The following ANKS1A variants were observed in gnomAD, a reference collection of about 807,000 sequenced individuals.
ANKS1A encodes the protein ankyrin repeat and SAM domain-containing protein 1A.
A neutral mutation model predicts 120.3 loss-of-function variants in ANKS1A; 55 were observed. The ratio of observed to expected loss-of-function variants is 0.46; its 90% CI spans 0.37 to 0.57. The LOEUF is 0.57. ANKS1A is among the 20% of genes least tolerant of loss of function. The pLI is 0.00. For synonymous variants in ANKS1A, 590 were observed against 604.7 expected (o/e 0.98, Z 0.36); for missense variants, 1,123 against 1,480.3 (o/e 0.76, Z 3.96).
chr6:35,077,495 G>C (rs937068365), intron 13 of ANKS1A, among the ~76,000 whole-genome samples: 3 of 152,238 alleles, frequency 2.0e-5, no homozygotes. Flanking sequence ...AGGCCTGTCT[G>C]TGCCCAGCGG....
In ANKS1A at chr6:34,983,178, T is replaced by C. The variant is rs765525563; in HGVS notation, c.874T>C (p.Ser292Pro). 2 of 1,614,164 alleles carry C rather than the reference T, an allele frequency of 1.2e-6. No homozygotes were observed. Residue 292 changes from serine to proline, a missense_variant, in exon 6 of 24, where the codon TCT (serine) becomes CCT (proline). Transcript: ENST00000360359. ...TALDTVRELP[S>P]QKSQQIAALI... ...CCTAGACACTGTTCGGGAACTGCCT[T>C]CTCAAAAGAGCCAGCAAATAGCAGC... is the stretch of plus-strand genomic sequence containing the variant.
chr6:35,084,310 G>T lies in ANKS1A; in HGVS notation c.3132+52G>T. On this transcript the variant is annotated intron_variant, in intron 21 of 23. Transcript: ENST00000360359. This position sits in a 1 kb window ranked among gnomAD's most constrained non-coding sequence, Gnocchi z 4.8. The stretch of plus-strand genomic sequence containing the variant: ...GGCAGGCTTGGGTTGCAGCCCTGAG[G>T]CGTCCAGCCCCATTGCAGGGCACAG... The T allele has an allele frequency of 6.2e-7, 1 of 1,603,524 alleles. No individual in the cohort carries two copies. Among genetic ancestry groups the T allele is most frequent in the Non-Finnish European group, 8.5e-7 (1 of 1,175,966 alleles).
At chr6:35,097,456 C>G in the ANKS1A span, among the ~76,000 whole-genome samples, 4 of 151,574 alleles carry the variant, frequency 2.6e-5, no homozygotes, top group African/African-American at 9.7e-5. Flanking sequence ...TTACAGTGAT[C>G]TGAGATCATG....
intron 9 of ANKS1A, among the ~76,000 whole-genome samples, chr6:34,989,536 AC>A (rs1772400709): frequency 6.6e-6 from 1 of 152,214 alleles, no homozygotes; most frequent in African/African-American, 2.4e-5. Context: ...CTGCCATACC[AC>A]ACGGAAAGTA....
chr6:34,994,496 G>A, intron 10 of ANKS1A, 74 bp downstream of exon 10: 1 of 1,564,064 alleles, frequency 6.4e-7, no homozygotes, highest in East Asian at 2.4e-5. Context: ...AGTGGAAGGG[G>A]AAGATGTCGT....
rs1195034022 is a variant in ANKS1A, at chr6:35,086,223, T to G, written c.3303+287T>G. ...AGAGCGGCCTGCAGGCAGCCCCCAGTAACTGCGCCATCCCTGTGTCTGTGT... is the reference window on the plus strand; with the variant it reads ...AGAGCGGCCTGCAGGCAGCCCCCAGGAACTGCGCCATCCCTGTGTCTGTGT... On this transcript the variant is annotated intron_variant, in intron 22 of 23. Transcript: ENST00000360359. The surrounding 1 kb of genome is among the most constrained non-coding windows in gnomAD (Gnocchi z 5.1). The G allele has an allele frequency of 4.4e-6, 6 of 1,365,232 alleles. No homozygotes were observed. In the South Asian group the frequency reaches 6.2e-5, roughly 14 times the overall value. 84.6% of individuals were successfully genotyped at this position (1,365,232 alleles called of 1,614,324 possible).
Position 34,978,112 on chromosome 6 carries a change from CCA to C in ANKS1A, c.436-3574_436-3573del, listed in dbSNP as rs1233099784. Among the ~76,000 whole-genome samples the C allele has an allele frequency of 5.3e-5, 8 of 152,104 alleles. No individual in the cohort carries two copies. The South Asian group carries it at 6.2e-4, about 12-fold the overall frequency. ...TAGGTGGGATTACAGGCAAGCACCA[CCA>C]CACCCAGCTAATTTTTGTATTTTTG... On this transcript the variant is annotated intron_variant, in intron 3 of 23. Transcript: ENST00000360359.
At chr6:35,025,339 G>A (rs1774566406) in intron 11 of ANKS1A, among the ~76,000 whole-genome samples, 1 of 151,834 alleles carries the variant, frequency 6.6e-6, no homozygotes, top group Non-Finnish European at 1.5e-5. Context: ...CCATGGCCTT[G>A]ATGCTAACAG....
At chr6:35,035,449 A>G (rs764179749) in intron 11 of ANKS1A, among the ~76,000 whole-genome samples, 9 of 152,232 alleles carry the variant, frequency 5.9e-5, no homozygotes, top group Non-Finnish European at 1.3e-4. Flanking sequence ...ATAAGAAAAC[A>G]TTAGTTGTTT....
At chr6:35,081,615 C>T (rs1777684439) in intron 17 of ANKS1A, among the ~76,000 whole-genome samples, 1 of 152,230 alleles carries the variant, frequency 6.6e-6, no homozygotes, top group Admixed American at 6.5e-5. Context: ...TTCTCTTCCT[C>T]CTGCTCAGCA....
rs1777767635 is a variant in ANKS1A, at chr6:35,082,910, C to T, written c.2835+94C>T. 2.0e-6 allele frequency: 3 copies of T among 1,537,478 alleles called. No homozygotes were observed. The highest frequency in any genetic ancestry group is 1.4e-5 in the African/African-American group (1 of 72,590). ...AGTCCCAGCAGGGACTCCACAAAGC[C>T]AGGCCCAGGGCTTTTGAGCTGTTCT... On this transcript the variant is annotated intron_variant, in intron 18 of 23. Transcript: ENST00000360359. This position sits in a 1 kb window ranked among gnomAD's most constrained non-coding sequence, Gnocchi z 4.1.
chr6:35,065,207 G>A (rs954197176), intron 13 of ANKS1A, among the ~76,000 whole-genome samples: 11 of 145,494 alleles, frequency 7.6e-5, no homozygotes, highest in African/African-American at 2.8e-4. Context: ...TGCACCTCTT[G>A]CCCCCCCTCC....
chr6:35,025,412 T>C (rs374391002), intron 11 of ANKS1A, among the ~76,000 whole-genome samples: 153 of 152,146 alleles, frequency 1.0e-3, no homozygotes, highest in African/African-American at 3.3e-3. Context: ...TGACTGGTGA[T>C]GAGAAAACTG....
chr6:35,069,554 C>G (rs539559432), intron 13 of ANKS1A, among the ~76,000 whole-genome samples: 1 of 151,958 alleles, frequency 6.6e-6, no homozygotes, highest in East Asian at 1.9e-4. Flanking sequence ...AATTTTTTTT[C>G]TTTTAAGATA....
intron 1 of ANKS1A, among the ~76,000 whole-genome samples, chr6:34,923,091 T>C (rs16895659): frequency 0.15 from 22,808 of 152,126 alleles, 2,052 homozygotes; most frequent in African/African-American, 0.25. Context: ...AAGACTACGA[T>C]GCGTGGTGAG....
At chr6:35,056,303 G>A (rs368924672) in intron 12 of ANKS1A, among the ~76,000 whole-genome samples, 43 of 152,272 alleles carry the variant, frequency 2.8e-4, no homozygotes, top group African/African-American at 9.9e-4. Context: ...TGTTGTTGTT[G>A]TTTGAGACGG....
In ANKS1A at chr6:35,090,389, G is replaced by C; in HGVS notation, c.*1780G>C. 1 of 1,225,670 alleles carries C rather than the reference G, an allele frequency of 8.2e-7. No individual in the cohort carries two copies. Among genetic ancestry groups the C allele is most frequent in the Non-Finnish European group, 1.0e-6 (1 of 958,076 alleles). 75.9% of individuals were successfully genotyped at this position (1,225,670 alleles called of 1,614,324 possible). On this transcript the variant is annotated 3_prime_UTR_variant, in exon 24 of 24. Transcript: ENST00000360359. ...TAAGGGGCCAGGCCACATCCAAGTG[G>C]GCCTCTGTCGGGGGCGGGGCGGTAG... is the stretch of plus-strand genomic sequence containing the variant.
At position 34,982,997 on chromosome 6, in the gene ANKS1A, C is replaced by A; in HGVS notation, c.809-116C>A. ...TCTTGAATAGCTGGATTAAATGGCT[C>A]TGGATGAAAAATGTTGGCCATGCTG... On this transcript the variant is annotated intron_variant, in intron 5 of 23. Transcript: ENST00000360359. The surrounding 1 kb of genome is among the most constrained non-coding windows in gnomAD (Gnocchi z 4.9). The A allele has an allele frequency of 7.9e-7, 1 of 1,266,570 alleles. No individual in the cohort carries two copies. Among genetic ancestry groups the A allele is most frequent in the Non-Finnish European group, 1.1e-6 (1 of 876,612 alleles). 78.5% of individuals were successfully genotyped at this position (1,266,570 alleles called of 1,614,324 possible). A position where few individuals can be genotyped will look rare whatever the true frequency, so the allele number is the denominator to read the frequency against.
rs200200910 is a variant in ANKS1A, at chr6:35,011,772, C to CA, written c.1424-5700dup. ...AACCAGCCTCTCTGTGCAGTGTTAG[C>CA]ATGATGAGCTAAGAGTTCAGAAATG... On this transcript the variant is annotated intron_variant, in intron 10 of 23. Transcript: ENST00000360359. Among the ~76,000 whole-genome samples, 1,255 of 152,320 alleles carry CA rather than the reference C, an allele frequency of 8.2e-3. 6 individuals are homozygous for CA. The highest frequency in any genetic ancestry group is 0.013 in the Non-Finnish European group (857 of 68,028).
Sources: gnomAD v4.1 joint callset for allele counts (sites outside exome capture counted in the v4.1 genomes callset) on GRCh38, gnomAD v4.1.1 for gene constraint, Gnocchi (gnomAD v3.1) non-coding constraint, MANE v1.5 for transcripts, NCBI Gene and HGNC (gene_info 2026-07-23, HGNC 2026-07-21) for gene names.